Variants in NKIRAS1 observed in about 807,000 individuals in gnomAD.
NKIRAS1 encodes the protein NF-kappa-B inhibitor-interacting Ras-like protein 1.
NKIRAS1 carries 16 observed loss-of-function variants against 19.8 expected under a neutral mutation model. The observed-to-expected ratio is 0.81, with a 90% CI of 0.55 to 1.23. NKIRAS1 has a LOEUF of 1.23. NKIRAS1 is among the 50% of genes most tolerant of loss of function. The pLI is 0.00. For synonymous variants in NKIRAS1, 88 were observed against 79.0 expected, an observed-to-expected ratio of 1.11 and a Z score of -0.61; for missense variants, 184 against 220.0, an observed-to-expected ratio of 0.84 and a Z score of 1.04.
upstream of NKIRAS1, among the ~76,000 whole-genome samples, chr3:23,921,134 CAAAA>C (rs565783918): frequency 6.6e-6 from 1 of 151,726 alleles, no homozygotes. Context: ...GACCTAAAAA[CAAAA>C]AAAATCCTTA....
intron 4 of NKIRAS1, among the ~76,000 whole-genome samples, chr3:23,896,190 C>G (rs1368217107): frequency 2.6e-5 from 4 of 151,116 alleles, no homozygotes; most frequent in Non-Finnish European, 5.9e-5. Context: ...ATCTAACAAC[C>G]TACCATCTTC....
intron 1 of NKIRAS1, among the ~76,000 whole-genome samples, chr3:23,941,284 C>G (rs905248685): frequency 6.6e-6 from 1 of 152,166 alleles, no homozygotes; most frequent in Non-Finnish European, 1.5e-5. Flanking sequence ...CGCCACTTGG[C>G]CTATCTTACT....
At chr3:23,937,521 C>T (rs937636993) in intron 1 of NKIRAS1, among the ~76,000 whole-genome samples, 6 of 150,770 alleles carry the variant, frequency 4.0e-5, no homozygotes, top group Non-Finnish European at 7.4e-5. Context: ...CTTTAGATAG[C>T]ATGCCCTGTT....
chr3:23,913,371 A>G (rs1703975645), intron 1 of NKIRAS1, among the ~76,000 whole-genome samples: 1 of 152,194 alleles, frequency 6.6e-6, no homozygotes, highest in Non-Finnish European at 1.5e-5. Context: ...ACACTATCAA[A>G]AAGAAAACAA....
At chr3:23,901,166 C>T (rs1034518145) in intron 3 of NKIRAS1, 117 bp from the exon 4 acceptor site, 1 of 971,360 alleles carries the variant, frequency 1.0e-6, no homozygotes, top group South Asian at 1.7e-5. Context: ...ATAATAATCA[C>T]ATTTCTATTT....
intron 1 of NKIRAS1, chr3:23,946,050 C>T (rs1270267719): frequency 2.1e-6 from 2 of 965,338 alleles, no homozygotes; most frequent in South Asian, 9.6e-5. Context: ...CGCGCGCTGG[C>T]TGGGAGCGCC....
chr3:23,942,089 G>A (rs1026738098), intron 1 of NKIRAS1, among the ~76,000 whole-genome samples: 8 of 151,360 alleles, frequency 5.3e-5, no homozygotes, highest in African/African-American at 1.5e-4. Flanking sequence ...AGGGATTCTC[G>A]TGACTCAACC....
At chr3:23,920,760 CAAA>C (rs1383888303), upstream of NKIRAS1, 1 of 970,808 alleles carries the variant, frequency 1.0e-6, no homozygotes, top group Non-Finnish European at 1.2e-6. Flanking sequence ...AATTTCTTCA[CAAA>C]AAAAGAAAAG....
At chr3:23,894,580 A>T (rs951553151) in intron 4 of NKIRAS1, among the ~76,000 whole-genome samples, 1 of 152,046 alleles carries the variant, frequency 6.6e-6, no homozygotes, top group African/African-American at 2.4e-5. Context: ...AAACTCGTTC[A>T]CTTTACCCCT....
intron 4 of NKIRAS1, among the ~76,000 whole-genome samples, chr3:23,896,921 A>G (rs1011029849): frequency 2.0e-5 from 3 of 152,090 alleles, no homozygotes; most frequent in Admixed American, 6.5e-5. Context: ...AAGGGAAAAA[A>G]GGCTAGGCAC....
intron 1 of NKIRAS1, among the ~76,000 whole-genome samples, chr3:23,928,074 C>G (rs1238462108): frequency 7.2e-6 from 1 of 139,456 alleles, no homozygotes; most frequent in Admixed American, 7.6e-5. Context: ...ACAAGACACA[C>G]TCTCTCTCCT....
intron 1 of NKIRAS1, among the ~76,000 whole-genome samples, chr3:23,937,881 C>A (rs559930634): frequency 2.0e-5 from 3 of 152,014 alleles, no homozygotes; most frequent in Non-Finnish European, 4.4e-5. Context: ...AGACTGCATT[C>A]ATTACATGTA....
At chr3:23,902,466 T>G (rs1702612845) in intron 3 of NKIRAS1, among the ~76,000 whole-genome samples, 1 of 152,190 alleles carries the variant, frequency 6.6e-6, no homozygotes, top group African/African-American at 2.4e-5. Flanking sequence ...TGTCATAAAT[T>G]AAGCCCTAAG....
chr3:23,921,371 T>G (rs1019541099), upstream of NKIRAS1, among the ~76,000 whole-genome samples: 1 of 152,200 alleles, frequency 6.6e-6, no homozygotes, highest in African/African-American at 2.4e-5. Flanking sequence ...CATGTCCTAC[T>G]GCAGTCCACA....
chr3:23,896,347 G>C (rs984868082), intron 4 of NKIRAS1, among the ~76,000 whole-genome samples: 2 of 152,042 alleles, frequency 1.3e-5, no homozygotes, highest in Admixed American at 6.6e-5. Flanking sequence ...GGGCATGGTG[G>C]CTAATGCCTG....
chr3:23,890,499 T>G lies in NKIRAS1; in HGVS notation c.*2596A>C. 3 of 1,609,474 alleles carry G rather than the reference T, an allele frequency of 1.9e-6. No homozygotes were observed. Among genetic ancestry groups the G allele is most frequent in the Non-Finnish European group, 2.5e-6 (3 of 1,178,380 alleles). On this transcript the variant is annotated 3_prime_UTR_variant, in exon 5 of 5. Transcript: ENST00000425478. ...CTTTCTCCAAAGTAATCTACATTCT[T>G]TTCTTCCAGCCGACCCCTTGGTGGG...
chr3:23,919,227 G>A (rs768764156), upstream of NKIRAS1: 1 of 1,613,882 alleles, frequency 6.2e-7, no homozygotes, highest in Admixed American at 1.7e-5. Flanking sequence ...GGGGCTCTGA[G>A]AGTCCTGAAT....
At chr3:23,908,509 A>T (rs1703300622) in intron 3 of NKIRAS1, among the ~76,000 whole-genome samples, 2 of 152,062 alleles carry the variant, frequency 1.3e-5, no homozygotes, top group African/African-American at 4.8e-5. Context: ...AATAGATATG[A>T]TAATTGCCTT....
chr3:23,934,119 T>G (rs546435781), intron 1 of NKIRAS1, among the ~76,000 whole-genome samples: 124 of 152,320 alleles, frequency 8.1e-4, no homozygotes, highest in African/African-American at 2.9e-3. Flanking sequence ...GCTCAAAGTA[T>G]GGCAAAGTAA....
Sources: gnomAD v4.1 joint callset for allele counts (sites outside exome capture counted in the v4.1 genomes callset) on GRCh38, gnomAD v4.1.1 for gene constraint, MANE v1.5 for transcripts, NCBI Gene and HGNC (gene_info 2026-07-23, HGNC 2026-07-21) for gene names.